The following MAN2C1 variants were observed in gnomAD, a reference collection of about 807,000 sequenced individuals.
MAN2C1 encodes mannosidase alpha class 2C member 1, also known as alpha-mannosidase 2C1.
A neutral mutation model predicts 126.9 loss-of-function variants in MAN2C1; 111 were observed. That is an observed-to-expected ratio of 0.87 (90% confidence interval 0.75 to 1.02). MAN2C1 has a LOEUF of 1.02. Ranked by LOEUF, MAN2C1 falls within the 50% of genes least tolerant of loss-of-function variation. The pLI is 0.00. For synonymous variants in MAN2C1, 567 were observed against 561.5 expected (o/e 1.01, Z -0.14); for missense variants, 1,363 against 1,364.4 (o/e 1.00, Z 0.02).
rs778458841 is a variant in MAN2C1 at position 75,356,085 on chromosome 15, G to A, written c.2996+25C>T. 30 of 1,613,246 alleles carry A rather than the reference G, an allele frequency of 1.9e-5. 1 individual carries two copies. Among genetic ancestry groups the A allele is most frequent in the South Asian group, 2.2e-5 (2 of 91,056 alleles). On this transcript the variant is annotated intron_variant, in intron 25 of 25. Transcript: ENST00000267978. This position sits in a 1 kb window ranked among gnomAD's most constrained non-coding sequence, Gnocchi z 5.8. The stretch of plus-strand genomic sequence containing the variant: ...TCTGCGAGGGCGAGACTCGACCCCC[G>A]CCCCAATCCCACACCGCCACTCACA...
intron 1 of MAN2C1, 103 bp downstream of exon 1, chr15:75,368,380 T>G: frequency 7.2e-7 from 1 of 1,394,996 alleles, no homozygotes; most frequent in Non-Finnish European, 9.7e-7. Context: ...CGGCGGGCAC[T>G]TTGTCCCGCG....
At chr15:75,358,671 C>G (rs73436829) in intron 19 of MAN2C1, 33 bp downstream of exon 19, 3 of 1,612,586 alleles carry the variant, frequency 1.9e-6, no homozygotes, top group Non-Finnish European at 8.5e-7. Flanking sequence ...TTCCCACCAC[C>G]TCCACCATCC....
intron 21 of MAN2C1, 29 bp downstream of exon 21, chr15:75,358,172 A>G: frequency 1.2e-6 from 2 of 1,613,314 alleles, no homozygotes; most frequent in Admixed American, 1.7e-5. Flanking sequence ...GGAGGAGTCC[A>G]AGGCCACTCC....
intron 3 of MAN2C1, 101 bp from the exon 4 acceptor site, chr15:75,366,693 C>A (rs962843378): frequency 1.3e-6 from 1 of 799,598 alleles, no homozygotes; most frequent in African/African-American, 1.8e-5. Context: ...TGGTTCCCAG[C>A]TCTGGGTCCT....
chr15:75,359,974 T>G lies in MAN2C1; in HGVS notation c.1721A>C (p.Asn574Thr). Residue 574 changes from asparagine to threonine, a missense_variant, in exon 15 of 26, where the codon AAC becomes ACC. Physicochemically the swap from Asn to Thr is moderately conservative, Grantham distance 65. Around this residue, in one of 3 missense-constraint regions of MAN2C1, gnomAD observed 668 missense variants for 650.1 expected, o/e 1.03. Coordinates refer to ENST00000267978, the MANE Select transcript of MAN2C1 (RefSeq NM_006715.4). ...TCCAGTCACCACATCATGGAACTGG[T>G]TCAGAAGAAGGAGCCTGCAGGGGCC... ...LQHLWRLLLL[N>T]QFHDVVTGSC... 6.2e-7 allele frequency: 1 copy of G among 1,613,896 alleles called. No homozygotes were observed. Among genetic ancestry groups the G allele is most frequent in the African/African-American group, 1.3e-5 (1 of 75,038 alleles).
At chr15:75,360,724 G>T in intron 12 of MAN2C1, 36 bp from the exon 13 acceptor site, 2 of 1,608,110 alleles carry the variant, frequency 1.2e-6, no homozygotes, top group South Asian at 1.1e-5. Context: ...CCCAGCCTTG[G>T]AGACCACATG....
At position 75,360,130 on chromosome 15, in the gene MAN2C1, G is replaced by A; in HGVS notation, c.1666C>T (p.Gln556Ter). The change falls in exon 14 of 26, where the codon CAG becomes TAG. Residue 556 changes from glutamine to a stop codon, truncating the protein, a stop_gained. Coordinates refer to ENST00000267978, the MANE Select transcript of MAN2C1 (RefSeq NM_006715.4). LOFTEE classifies it high-confidence loss of function. ...AGCTGGGCTGCTGGGTATAGGAACT[G>A]GGCACTGCGGGCCAGGGCCAGGCTA... ...LSSLALARSA[Q>*]FLYPAAQLQH... 1 of 1,613,890 alleles carries A rather than the reference G, an allele frequency of 6.2e-7. No homozygotes were observed. Among genetic ancestry groups the A allele is most frequent in the Non-Finnish European group, 8.5e-7 (1 of 1,180,028 alleles).
Position 75,362,720 on chromosome 15 carries a change from C to T in MAN2C1, c.819G>A (p.Val273=), listed in dbSNP as rs1028350476. Residue 273 remains valine, a synonymous_variant, in exon 7 of 26, where the codon GTG becomes GTA. Transcript: ENST00000267978. The surrounding 1 kb of genome is among the most constrained non-coding windows in gnomAD (Gnocchi z 4.5). ...TCACCCAGCTCCGGGCACATTTCCTCACAGTCTCTTTGAAGGGCCAAAGCC... is the reference window on the plus strand; with the variant it reads ...TCACCCAGCTCCGGGCACATTTCCTTACAGTCTCTTTGAAGGGCCAAAGCC... ...TAWLWPFKET[V]RKCARSWVTA... 3 of 1,613,998 alleles carry T rather than the reference C, an allele frequency of 1.9e-6. No individual in the cohort carries two copies. The African/African-American group carries it at 4.0e-5, about 22-fold the overall frequency.
In MAN2C1 at chr15:75,361,312, A is replaced by G; in HGVS notation, c.1288T>C (p.Tyr430His). The change falls in exon 11 of 26, where the codon TAT becomes CAT. Residue 430 changes from tyrosine to histidine, a missense_variant. Physicochemically the swap from Tyr to His is moderately conservative, Grantham distance 83. Coordinates refer to ENST00000267978, the MANE Select transcript of MAN2C1 (RefSeq NM_006715.4). The surrounding 1 kb of genome is among the most constrained non-coding windows in gnomAD (Gnocchi z 5.0). Reference sequence around the variant, plus strand: ...TCCTCCACGCTGCCCTGCATCCCATAGGAGTCGCCAGGTGGGAAGTGGACC... The same window carrying G: ...TCCTCCACGCTGCCCTGCATCCCATGGGAGTCGCCAGGTGGGAAGTGGACC... ...VLVHFPPGDS[Y>H]GMQGSVEEVL... The G allele has an allele frequency of 6.4e-7, 1 of 1,568,662 alleles. No individual in the cohort carries two copies. Among genetic ancestry groups the G allele is most frequent in the East Asian group, 2.3e-5 (1 of 42,818 alleles).
At position 75,356,153 on chromosome 15, in the gene MAN2C1, C is replaced by T. The variant is rs750756332; in HGVS notation, c.2953G>A (p.Asp985Asn). Residue 985 changes from aspartate to asparagine, a missense_variant, in exon 25 of 26, where the codon GAC becomes AAC. Asp to Asn is a conservative substitution (Grantham distance 23). Around this residue, in one of 3 missense-constraint regions of MAN2C1, gnomAD observed 668 missense variants for 650.1 expected, o/e 1.03. Coordinates refer to ENST00000267978, the MANE Select transcript of MAN2C1 (RefSeq NM_006715.4). This position sits in a 1 kb window ranked among gnomAD's most constrained non-coding sequence, Gnocchi z 5.8. ...GGCAGCGACAAGTGCAGCCAGCAGT[C>T]CACGTGGCTGCCGTGGGCCTCATAC... ...RLYEAHGSHVDCWLHLSLPVQ... is the reference protein window; with the variant it reads ...RLYEAHGSHVNCWLHLSLPVQ... 1.1e-5 allele frequency: 17 copies of T among 1,613,548 alleles called. No individual in the cohort carries two copies. Among genetic ancestry groups the T allele is most frequent in the Non-Finnish European group, 1.4e-5 (17 of 1,179,994 alleles).
At chr15:75,367,710 A>AG in intron 2 of MAN2C1, 76 bp from the exon 3 acceptor site, 1 of 1,575,672 alleles carries the variant, frequency 6.3e-7, no homozygotes, top group South Asian at 1.1e-5. Flanking sequence ...AAGTGTCGGC[A>AG]GGGGCTTGAA....
intron 18 of MAN2C1, 37 bp from the exon 19 acceptor site, chr15:75,358,845 G>T: frequency 1.3e-6 from 2 of 1,544,362 alleles, no homozygotes; most frequent in Non-Finnish European, 1.8e-6. Context: ...ACAACCAACT[G>T]ACCTCGCTGT....
chr15:75,356,984 C>A lies in MAN2C1; in HGVS notation c.2548-82G>T. On this transcript the variant is annotated intron_variant, in intron 21 of 25. Coordinates refer to ENST00000267978, the MANE Select transcript of MAN2C1 (RefSeq NM_006715.4). This position sits in a 1 kb window ranked among gnomAD's most constrained non-coding sequence, Gnocchi z 5.8. ...GACTCCAGAGCTCCTGTCACTAGGC[C>A]GAGCACAAGCTCTAGAACCACACAA... 2.6e-6 allele frequency: 3 copies of A among 1,143,598 alleles called. No homozygotes were observed. Among genetic ancestry groups the A allele is most frequent in the South Asian group, 1.3e-5 (1 of 75,912 alleles). 70.8% of individuals were successfully genotyped at this position (1,143,598 alleles called of 1,614,324 possible).
At position 75,363,996 on chromosome 15, in the gene MAN2C1, T is replaced by C. The variant is rs1595878360; in HGVS notation, c.790+3A>G. 1 of 1,613,982 alleles carries C rather than the reference T, an allele frequency of 6.2e-7. No individual in the cohort carries two copies. Among genetic ancestry groups the C allele is most frequent in the Non-Finnish European group, 8.5e-7 (1 of 1,179,952 alleles). The stretch of plus-strand genomic sequence containing the variant: ...CAGCCAGCCCAACCAGCTGCTGTCC[T>C]ACCTGTATCAATGTGGCAGTGCCCT... On this transcript the variant is annotated splice_donor_region_variant and intron_variant, in intron 6 of 25. Coordinates refer to ENST00000267978, the MANE Select transcript of MAN2C1 (RefSeq NM_006715.4).
At chr15:75,363,353 C>T (rs2072514509) in intron 6 of MAN2C1, 2 of 455,680 alleles carry the variant, frequency 4.4e-6, no homozygotes, top group Non-Finnish European at 8.8e-6. Context: ...GGAAGCCTCT[C>T]TGGAATCCCC....
chr15:75,358,459 T>C lies in MAN2C1; in HGVS notation c.2403+3A>G. On this transcript the variant is annotated splice_donor_region_variant and intron_variant, in intron 20 of 25. Coordinates refer to ENST00000267978, the MANE Select transcript of MAN2C1 (RefSeq NM_006715.4). ...AAACAGCCACCCCCTACCCCCCGAC[T>C]ACCTCGGTGTGGAAGCGGACATAGG... 6.2e-7 allele frequency: 1 copy of C among 1,613,438 alleles called. No individual in the cohort carries two copies.
At chr15:75,366,492 G>A in intron 4 of MAN2C1, 30 bp downstream of exon 4, 2 of 1,602,008 alleles carry the variant, frequency 1.2e-6, no homozygotes, top group African/African-American at 1.3e-5. Flanking sequence ...CTCCCTGACA[G>A]CACTGGTCAA....
Position 75,359,641 on chromosome 15 carries a change from GT to G in MAN2C1, c.1926del (p.Lys642AsnfsTer8). On this transcript the variant is annotated frameshift_variant, in exon 16 of 26. Transcript: ENST00000267978. LOFTEE classifies it high-confidence loss of function. ...GTACCTAGGCTGTGGGCCCCGCCCG[GT>G]TTGGGCAGGGCCATCACTTCGATCC... is the stretch of plus-strand genomic sequence containing the variant. ...WKRIEVMALPKPGGAHSLALV... is the reference protein window; with the variant it reads ...WKRIEVMALPXPGGAHSLALV... 1 of 1,614,108 alleles carries G rather than the reference GT, an allele frequency of 6.2e-7. No homozygotes were observed. Among genetic ancestry groups the G allele is most frequent in the Non-Finnish European group, 8.5e-7 (1 of 1,180,028 alleles).
intron 4 of MAN2C1, among the ~76,000 whole-genome samples, chr15:75,364,897 AT>A (rs1567285579): frequency 1.3e-5 from 2 of 152,260 alleles, no homozygotes; most frequent in Non-Finnish European, 2.9e-5. Context: ...GTTTGGAACC[AT>A]GTAAAGTACG....
Sources: allele counts gnomAD v4.1 joint callset (sites outside exome capture counted in the v4.1 genomes callset), GRCh38; gene constraint gnomAD v4.1.1; regional missense constraint gnomAD v4.1.1; non-coding constraint Gnocchi (gnomAD v3.1); transcripts MANE v1.5; gene names NCBI Gene and HGNC (gene_info 2026-07-23, HGNC 2026-07-21).